CEP128: variants seen among roughly 807,000 people sequenced by gnomAD.
CEP128 encodes centrosomal protein 128kDa.
Under a neutral mutation model 156.7 loss-of-function variants are expected in CEP128, and 132 were observed. The ratio of observed to expected loss-of-function variants is 0.84; its 90% CI spans 0.73 to 0.97. The LOEUF (loss-of-function observed/expected upper bound fraction) is 0.97. Ranked by LOEUF, CEP128 falls within the 50% of genes least tolerant of loss-of-function variation. The pLI is 0.00. For synonymous variants in CEP128, 469 were observed against 448.9 expected (o/e 1.04, Z -0.57); for missense variants, 1,252 against 1,281.9 (o/e 0.98, Z 0.36).
At chr14:80,783,399 T>C (rs1901229499) in intron 15 of CEP128, among the ~76,000 whole-genome samples, 1 of 152,142 alleles carries the variant, frequency 6.6e-6, no homozygotes, top group Non-Finnish European at 1.5e-5. Context: ...GTGGGCAAAT[T>C]ACTTAACCTT....
At chr14:80,952,035 G>GA (rs112682228) in intron 2 of CEP128, among the ~76,000 whole-genome samples, 28 of 151,552 alleles carry the variant, frequency 1.8e-4, no homozygotes, top group Admixed American at 4.6e-4. Flanking sequence ...CAATGAGGGG[G>GA]AAAAAAAACA....
chr14:80,805,125 A>G (rs1326213015), intron 13 of CEP128, among the ~76,000 whole-genome samples: 1 of 152,076 alleles, frequency 6.6e-6, no homozygotes, highest in African/African-American at 2.4e-5. Context: ...GTTTTGGGAT[A>G]AACCTCAAGG....
intron 2 of CEP128, among the ~76,000 whole-genome samples, chr14:80,927,481 G>A (rs976863693): frequency 6.6e-6 from 1 of 152,164 alleles, no homozygotes; most frequent in Non-Finnish European, 1.5e-5. Flanking sequence ...ACCCCCACAA[G>A]AGGAATGTCC....
chr14:80,953,314 G>A (rs1004393861), intron 2 of CEP128, among the ~76,000 whole-genome samples: 16 of 152,228 alleles, frequency 1.1e-4, no homozygotes, highest in Admixed American at 7.9e-4. Context: ...GGCCGGGCAC[G>A]GTGGTGCATG....
intron 3 of CEP128, among the ~76,000 whole-genome samples, 190 bp from the exon 4 acceptor site, chr14:80,914,598 A>T (rs1884440417): frequency 6.6e-6 from 1 of 152,228 alleles, no homozygotes; most frequent in South Asian, 2.1e-4. Flanking sequence ...CTCAAATCCA[A>T]CTGCAATTTA....
At chr14:80,721,098 A>C (rs1355382140) in intron 19 of CEP128, among the ~76,000 whole-genome samples, 2 of 152,232 alleles carry the variant, frequency 1.3e-5, no homozygotes, top group Non-Finnish European at 2.9e-5. Context: ...ATTTCTATAC[A>C]TCTTTAATTT....
intron 19 of CEP128, among the ~76,000 whole-genome samples, chr14:80,630,414 T>C (rs932409970): frequency 6.6e-6 from 1 of 151,994 alleles, no homozygotes; most frequent in Non-Finnish European, 1.5e-5. Flanking sequence ...TTTATAGGCA[T>C]TAGAGTTTAC....
intron 19 of CEP128, among the ~76,000 whole-genome samples, chr14:80,620,146 A>C (rs1171703562): frequency 6.6e-6 from 1 of 152,146 alleles, no homozygotes; most frequent in Non-Finnish European, 1.5e-5. Flanking sequence ...AAAACAAAAC[A>C]AAACAAAAAC....
At chr14:80,794,615 T>G (rs1484002353) in intron 13 of CEP128, among the ~76,000 whole-genome samples, 1 of 152,186 alleles carries the variant, frequency 6.6e-6, no homozygotes, top group Non-Finnish European at 1.5e-5. Flanking sequence ...GAACTGATTT[T>G]TCTTTTCAAC....
At chr14:80,491,997 A>T (rs1329846297), downstream of CEP128, among the ~76,000 whole-genome samples, 1 of 152,202 alleles carries the variant, frequency 6.6e-6, no homozygotes, top group Non-Finnish European at 1.5e-5. Context: ...TGGACAAACA[A>T]AATCTAAACT....
At chr14:80,873,359 A>G (rs950973620) in intron 8 of CEP128, among the ~76,000 whole-genome samples, 3 of 152,230 alleles carry the variant, frequency 2.0e-5, no homozygotes, top group Non-Finnish European at 4.4e-5. Context: ...CATTTTAAAT[A>G]CAAAGTAAAA....
At chr14:80,814,783 G>A (rs1197370407) in intron 13 of CEP128, among the ~76,000 whole-genome samples, 1 of 152,222 alleles carries the variant, frequency 6.6e-6, no homozygotes, top group Non-Finnish European at 1.5e-5. Flanking sequence ...TCTGGGCCAG[G>A]CGCGGTGGCT....
At chr14:80,788,288 C>CTTTTTTT (rs10628361) in intron 14 of CEP128, among the ~76,000 whole-genome samples, 1,340 of 96,354 alleles carry the variant, frequency 0.014, 1 homozygote, top group East Asian at 0.024. Context: ...TGGCCAGGAT[C>CTTTTTTT]TTTTTTTTTT....
Position 80,693,534 on chromosome 14 carries a change from C to T in CEP128, c.2806+49541G>A, listed in dbSNP as rs537945585. ...TAATTTGAAAATTAAAAATAAACTG[C>T]CATAACTATTTGCTTGAAAAAATAA... On this transcript the variant is annotated intron_variant, in intron 19 of 24. Coordinates refer to ENST00000555265, the MANE Select transcript of CEP128 (RefSeq NM_152446.5). Among the ~76,000 whole-genome samples, 4 of 151,896 alleles carry T rather than the reference C, an allele frequency of 2.6e-5. No homozygotes were observed. In the South Asian group the frequency reaches 8.3e-4, roughly 32 times the overall value.
At chr14:80,929,868 C>G (rs1055017713) in intron 2 of CEP128, among the ~76,000 whole-genome samples, 1 of 152,172 alleles carries the variant, frequency 6.6e-6, no homozygotes, top group Admixed American at 6.5e-5. Context: ...GCAGGGGTCT[C>G]CAGCCATGAG....
chr14:80,494,217 A>G (rs1425077152), downstream of CEP128, among the ~76,000 whole-genome samples: 1 of 152,146 alleles, frequency 6.6e-6, no homozygotes, highest in Non-Finnish European at 1.5e-5. Flanking sequence ...TTTCCTTTCC[A>G]GCTAAGGTTC....
At chr14:80,809,407 A>C (rs904058135) in intron 13 of CEP128, among the ~76,000 whole-genome samples, 9 of 152,196 alleles carry the variant, frequency 5.9e-5, no homozygotes, top group African/African-American at 2.2e-4. Context: ...CAGTACACCT[A>C]AGGTGAGGAG....
intron 16 of CEP128, among the ~76,000 whole-genome samples, chr14:80,775,242 C>T (rs1164059164): frequency 6.6e-6 from 1 of 152,090 alleles, no homozygotes; most frequent in East Asian, 1.9e-4. Flanking sequence ...TGCCTAAAGC[C>T]ACGCAGGTAG....
chr14:80,641,885 C>T (rs1027759091), intron 19 of CEP128, among the ~76,000 whole-genome samples: 1 of 151,696 alleles, frequency 6.6e-6, no homozygotes, highest in Non-Finnish European at 1.5e-5. Flanking sequence ...GTCAGGAGAT[C>T]GAGACCATCC....
Sources: allele counts gnomAD v4.1 joint callset (sites outside exome capture counted in the v4.1 genomes callset), GRCh38; gene constraint gnomAD v4.1.1; transcripts MANE v1.5; gene names NCBI Gene and HGNC (gene_info 2026-07-23, HGNC 2026-07-21).